The following ARHGAP31 variants were observed in gnomAD, a reference collection of about 807,000 sequenced individuals.
The protein encoded by ARHGAP31 is Rho GTPase activating protein 31.
A neutral mutation model predicts 113.9 loss-of-function variants in ARHGAP31; 34 were observed. The ratio of observed to expected loss-of-function variants is 0.30; its 90% CI spans 0.23 to 0.40. The LOEUF (loss-of-function observed/expected upper bound fraction) is 0.40. Ranked by LOEUF, ARHGAP31 falls within the 10% of genes least tolerant of loss-of-function variation. The pLI is 1.00. For synonymous variants in ARHGAP31, 650 were observed against 684.8 expected (o/e 0.95, Z 0.79); for missense variants, 1,548 against 1,767.1 (o/e 0.88, Z 2.22).
At chr3:119,374,835 T>C (rs554838523) in intron 3 of ARHGAP31, among the ~76,000 whole-genome samples, 5 of 152,314 alleles carry the variant, frequency 3.3e-5, no homozygotes, top group Admixed American at 3.3e-4. Flanking sequence ...TCTCAGGTAG[T>C]TCTTATGGCA....
chr3:119,320,979 C>T (rs1243227008), intron 1 of ARHGAP31, among the ~76,000 whole-genome samples: 1 of 152,102 alleles, frequency 6.6e-6, no homozygotes, highest in Non-Finnish European at 1.5e-5. Context: ...TCTCTCTTCT[C>T]TTGAGTGCCT....
At chr3:119,385,174 T>A (rs1270946314) in intron 6 of ARHGAP31, among the ~76,000 whole-genome samples, 1 of 152,102 alleles carries the variant, frequency 6.6e-6, no homozygotes, top group African/African-American at 2.4e-5. Flanking sequence ...GTGATCTGCC[T>A]GCCTTGGCTT....
intron 1 of ARHGAP31, among the ~76,000 whole-genome samples, chr3:119,301,419 T>C (rs2079584168): frequency 6.6e-6 from 1 of 152,172 alleles, no homozygotes; most frequent in African/African-American, 2.4e-5. Flanking sequence ...AGGAACACAT[T>C]TTCCCATAGC....
chr3:119,400,089 G>T (rs1471168860), intron 9 of ARHGAP31, among the ~76,000 whole-genome samples: 2 of 152,140 alleles, frequency 1.3e-5, no homozygotes, highest in Admixed American at 1.3e-4. Flanking sequence ...TCAAAAATGG[G>T]TCAGACCAAA....
At chr3:119,389,723 A>G (rs2080487834) in intron 6 of ARHGAP31, among the ~76,000 whole-genome samples, 1 of 152,240 alleles carries the variant, frequency 6.6e-6, no homozygotes, top group African/African-American at 2.4e-5. Context: ...CTGAAAATAC[A>G]GTGAGTCCTC....
chr3:119,349,124 A>T (rs755520613), intron 1 of ARHGAP31, among the ~76,000 whole-genome samples: 4 of 152,222 alleles, frequency 2.6e-5, no homozygotes, highest in Non-Finnish European at 5.9e-5. Flanking sequence ...TATTATCTAT[A>T]AAGGTAAAAG....
In ARHGAP31 at chr3:119,402,127, G is replaced by C. The variant is rs2080615647; in HGVS notation, c.1375G>C (p.Asp459His). 6.2e-7 allele frequency: 1 copy of C among 1,614,128 alleles called. No homozygotes were observed. Among genetic ancestry groups the C allele is most frequent in the African/African-American group, 1.3e-5 (1 of 74,950 alleles). ...GTTGGGTATGTTCTACACTTCGAAC[G>C]ACAGCCCTAGCAAATCCGTCTTCAC... The part of the protein sequence containing the change: ...KMLGMFYTSN[D>H]SPSKSVFTSS... Residue 459 changes from aspartate to histidine, a missense_variant, in exon 10 of 12, where the codon GAC (aspartate) becomes CAC (histidine). Asp to His is a moderately conservative substitution (Grantham distance 81, BLOSUM62 -1). Coordinates refer to ENST00000264245, the MANE Select transcript of ARHGAP31 (RefSeq NM_020754.4).
chr3:119,383,198 C>T lies in ARHGAP31; in HGVS notation c.654C>T (p.Asn218=), dbSNP rs145326425. ...ATCATGTAGATCAAATCTTTAACAA[C>T]GGTGCACCTGGGTCTCTGGAGAATG... ...ILNHVDQIFN[N]GAPGSLENDE... is the part of the protein sequence containing the mutation. The change falls in exon 6 of 12, where the codon AAC becomes AAT. Residue 218 remains asparagine (N), a synonymous_variant. Coordinates refer to ENST00000264245, the MANE Select transcript of ARHGAP31 (RefSeq NM_020754.4). 5.0e-4 allele frequency: 800 copies of T among 1,614,126 alleles called. 3 individuals carry two copies. The African/African-American group carries it at 9.5e-3, about 19-fold the overall frequency.
intron 1 of ARHGAP31, among the ~76,000 whole-genome samples, chr3:119,314,122 G>C (rs1325179646): frequency 2.6e-5 from 4 of 152,128 alleles, no homozygotes; most frequent in Non-Finnish European, 5.9e-5. Context: ...TCTACTTCTC[G>C]CAGTTCCTCA....
At chr3:119,391,598 T>TCCCCC in intron 7 of ARHGAP31, among the ~76,000 whole-genome samples, 1 of 87,094 alleles carries the variant, frequency 1.1e-5, no homozygotes, top group African/African-American at 4.8e-5. Context: ...TACCCCCCCC[T>TCCCCC]CCCCCCCGCC....
intron 1 of ARHGAP31, among the ~76,000 whole-genome samples, chr3:119,301,270 A>G (rs2079582353): frequency 6.6e-6 from 1 of 152,124 alleles, no homozygotes; most frequent in South Asian, 2.1e-4. Context: ...CAGCTTCAGG[A>G]GGCCCAGGCT....
chr3:119,321,651 G>GGTTTT (rs201263676), intron 1 of ARHGAP31, among the ~76,000 whole-genome samples: 2,965 of 151,900 alleles, frequency 0.02, 42 homozygotes, highest in Non-Finnish European at 0.03. Context: ...AGGCTCCGTA[G>GGTTTT]GTTTTGTTTT....
intron 1 of ARHGAP31, among the ~76,000 whole-genome samples, chr3:119,337,253 T>C (rs901783941): frequency 3.9e-5 from 6 of 152,174 alleles, no homozygotes; most frequent in African/African-American, 9.7e-5. Flanking sequence ...TTCCTTCTGG[T>C]GGGTTCATGG....
intron 1 of ARHGAP31, among the ~76,000 whole-genome samples, chr3:119,303,068 T>C (rs1383149852): frequency 3.9e-5 from 6 of 152,238 alleles, no homozygotes; most frequent in Admixed American, 3.9e-4. Flanking sequence ...CAATTTGTTA[T>C]GCATTCTACC....
intron 6 of ARHGAP31, among the ~76,000 whole-genome samples, chr3:119,385,014 T>C (rs1327299557): frequency 1.3e-5 from 2 of 151,462 alleles, no homozygotes; most frequent in African/African-American, 2.4e-5. Context: ...AACCTCTGCC[T>C]CCCAGATTCA....
chr3:119,299,263 A>G (rs1427101986), intron 1 of ARHGAP31, among the ~76,000 whole-genome samples: 1 of 152,196 alleles, frequency 6.6e-6, no homozygotes, highest in Admixed American at 6.5e-5. Flanking sequence ...CTCTGCTCAG[A>G]TTACAGACCA....
At chr3:119,336,505 C>T (rs917927466) in intron 1 of ARHGAP31, among the ~76,000 whole-genome samples, 1 of 152,068 alleles carries the variant, frequency 6.6e-6, no homozygotes, top group African/African-American at 2.4e-5. Context: ...TTAAAAATGA[C>T]AATAAAACCA....
chr3:119,399,093 C>A, intron 8 of ARHGAP31, 106 bp from the exon 9 acceptor site: 1 of 982,784 alleles, frequency 1.0e-6, no homozygotes, highest in Non-Finnish European at 1.6e-6. Context: ...ACTTGAAAAA[C>A]TTTCCTAAAG....
intron 1 of ARHGAP31, among the ~76,000 whole-genome samples, chr3:119,307,034 A>C (rs9872392): frequency 0.05 from 7,002 of 139,512 alleles, 352 homozygotes; most frequent in African/African-American, 0.13. Context: ...AAAAAAACTA[A>C]GTCTGTTAGT....
Sources: allele counts gnomAD v4.1 joint callset (sites outside exome capture counted in the v4.1 genomes callset), GRCh38; gene constraint gnomAD v4.1.1; transcripts MANE v1.5; gene names NCBI Gene and HGNC (gene_info 2026-07-23, HGNC 2026-07-21).